Variants in NECTIN3 observed in about 807,000 individuals in gnomAD.
The protein encoded by NECTIN3 is nectin-3.
NECTIN3 carries 8 observed loss-of-function variants against 49.4 expected under a neutral mutation model. The ratio of observed to expected loss-of-function variants is 0.16; its 90% CI spans 0.10 to 0.29. The LOEUF (loss-of-function observed/expected upper bound fraction) is 0.29. Ranked by LOEUF, NECTIN3 falls within the 10% of genes least tolerant of loss-of-function variation. NECTIN3 has a pLI of 1.00. For missense variants in NECTIN3, 581 were observed against 654.6 expected, an observed-to-expected ratio of 0.89 and a Z score of 1.23; for synonymous variants, 277 against 241.1, an observed-to-expected ratio of 1.15 and a Z score of -1.38.
At position 111,118,736 on chromosome 3, in the gene NECTIN3, G is replaced by A. The variant is rs2033817803; in HGVS notation, c.583G>A (p.Ala195Thr). The A allele has an allele frequency of 6.2e-7, 1 of 1,613,918 alleles. No individual in the cohort carries two copies. Among genetic ancestry groups the A allele is most frequent in the Admixed American group, 1.7e-5 (1 of 59,986 alleles). Reference protein sequence around the residue: ...GNETVAAICIAATGKPVAHID... With the variant: ...GNETVAAICITATGKPVAHID... Reference sequence around the variant, plus strand: ...TGAAACAGTAGCAGCCATTTGCATCGCAGCCACTGGAAAACCCGTTGCACA... The same window carrying A: ...TGAAACAGTAGCAGCCATTTGCATCACAGCCACTGGAAAACCCGTTGCACA... Residue 195 changes from alanine to threonine, a missense_variant, in exon 3 of 6, where the codon GCA (alanine) becomes ACA (threonine). Around this residue, in one of 3 missense-constraint regions of NECTIN3, gnomAD observed 234 missense variants for 340.6 expected, o/e 0.69. Coordinates refer to ENST00000485303, the MANE Select transcript of NECTIN3 (RefSeq NM_015480.3).
intron 1 of NECTIN3, among the ~76,000 whole-genome samples, chr3:111,092,681 T>A (rs2032345994): frequency 6.6e-6 from 1 of 152,200 alleles, no homozygotes; most frequent in African/African-American, 2.4e-5. Context: ...ACAGTTTTGA[T>A]TAGTTTCAGT....
At chr3:111,179,560 G>T (rs1189145102) in intron 7 of NECTIN3, among the ~76,000 whole-genome samples, 1 of 152,094 alleles carries the variant, frequency 6.6e-6, no homozygotes, top group Non-Finnish European at 1.5e-5. Flanking sequence ...TTGGGACAGA[G>T]GAACTATAAG....
intron 1 of NECTIN3, among the ~76,000 whole-genome samples, chr3:111,103,970 A>G (rs1419081363): frequency 6.6e-6 from 1 of 152,206 alleles, no homozygotes; most frequent in African/African-American, 2.4e-5. Context: ...CACTATGAAC[A>G]TGGGTATGCA....
intron 7 of NECTIN3, among the ~76,000 whole-genome samples, chr3:111,176,646 A>T (rs2035533957): frequency 1.3e-5 from 2 of 152,256 alleles, no homozygotes; most frequent in African/African-American, 4.8e-5. Flanking sequence ...CAGAAGGAGA[A>T]ACTATATATG....
At chr3:111,124,627 A>G (rs1437107354) in intron 4 of NECTIN3, among the ~76,000 whole-genome samples, 1 of 152,208 alleles carries the variant, frequency 6.6e-6, no homozygotes, top group African/African-American at 2.4e-5. Context: ...ATGTAAGCAT[A>G]TTATCTTTAT....
intron 7 of NECTIN3, among the ~76,000 whole-genome samples, chr3:111,155,377 T>C (rs773755995): frequency 6.6e-6 from 1 of 152,192 alleles, no homozygotes; most frequent in Non-Finnish European, 1.5e-5. Flanking sequence ...CAAGACTTGA[T>C]TGATTCATGA....
chr3:111,192,260 C>A, upstream of NECTIN3: 2 of 1,157,716 alleles, frequency 1.7e-6, no homozygotes, highest in Non-Finnish European at 2.5e-6. Flanking sequence ...TATAACAAGA[C>A]ATGATTGGCT....
At chr3:111,138,715 A>G (rs2107502395), downstream of NECTIN3, among the ~76,000 whole-genome samples, 1 of 151,802 alleles carries the variant, frequency 6.6e-6, no homozygotes, top group East Asian at 1.9e-4. Context: ...GTTGCTAATG[A>G]AGCTGATTGA....
At chr3:111,086,425 C>G (rs1477225290) in intron 1 of NECTIN3, among the ~76,000 whole-genome samples, 1 of 152,086 alleles carries the variant, frequency 6.6e-6, no homozygotes, top group African/African-American at 2.4e-5. Flanking sequence ...TGTAGTACAT[C>G]TAAAATTTAT....
rs574050341 is a variant in NECTIN3, at chr3:111,136,077, C to G, written c.*1862C>G. The G allele has an allele frequency of 1.0e-5, 10 of 983,010 alleles. No homozygotes were observed. The highest frequency in any genetic ancestry group is 1.2e-5 in the Non-Finnish European group (10 of 828,072). The allele number at this position is 983,010 out of a possible 1,614,324, so 60.9% of individuals were successfully genotyped here. Reference sequence around the variant, plus strand: ...GATGTGACTTTATTTTTAATTTAAACGATGAGGTGGCCAGAAGAAAGATGG... The same window carrying G: ...GATGTGACTTTATTTTTAATTTAAAGGATGAGGTGGCCAGAAGAAAGATGG... On this transcript the variant is annotated 3_prime_UTR_variant, in exon 6 of 6. Coordinates refer to ENST00000485303, the MANE Select transcript of NECTIN3 (RefSeq NM_015480.3).
chr3:111,188,995 C>T (rs2035769284), upstream of NECTIN3, among the ~76,000 whole-genome samples: 1 of 152,160 alleles, frequency 6.6e-6, no homozygotes, highest in African/African-American at 2.4e-5. Context: ...CCCACACTGC[C>T]ACAAGGAATA....
At chr3:111,075,770 A>G (rs574041446) in intron 1 of NECTIN3, among the ~76,000 whole-genome samples, 1 of 152,252 alleles carries the variant, frequency 6.6e-6, no homozygotes, top group Non-Finnish European at 1.5e-5. Flanking sequence ...CTTCAATTGT[A>G]TAATTGTATG....
chr3:111,189,478 A>G (rs533858921), upstream of NECTIN3, among the ~76,000 whole-genome samples: 2 of 152,328 alleles, frequency 1.3e-5, no homozygotes, highest in East Asian at 3.9e-4. Context: ...AAAATGGATT[A>G]ACTCTTCTCA....
chr3:111,127,376 C>A (rs538517777), intron 5 of NECTIN3, among the ~76,000 whole-genome samples: 2 of 152,012 alleles, frequency 1.3e-5, no homozygotes, highest in Admixed American at 6.6e-5. Context: ...TATTTATCTT[C>A]ACAATTCAGC....
At chr3:111,129,322 A>G (rs1394089101) in intron 5 of NECTIN3, among the ~76,000 whole-genome samples, 1 of 151,932 alleles carries the variant, frequency 6.6e-6, no homozygotes, top group Non-Finnish European at 1.5e-5. Flanking sequence ...AACCCCATGT[A>G]TTGCCATGTA....
At chr3:111,086,269 A>C (rs2031920204) in intron 1 of NECTIN3, among the ~76,000 whole-genome samples, 1 of 152,178 alleles carries the variant, frequency 6.6e-6, no homozygotes, top group African/African-American at 2.4e-5. Flanking sequence ...TCTGTTGATA[A>C]AAAGCAGTTC....
intron 7 of NECTIN3, among the ~76,000 whole-genome samples, chr3:111,174,979 G>T (rs1053750662): frequency 6.6e-6 from 1 of 152,010 alleles, no homozygotes; most frequent in Non-Finnish European, 1.5e-5. Flanking sequence ...AAGGATGAAT[G>T]CAGGATTTCA....
downstream of NECTIN3, among the ~76,000 whole-genome samples, chr3:111,140,468 C>G (rs1012274871): frequency 3.3e-5 from 5 of 151,130 alleles, no homozygotes; most frequent in East Asian, 1.9e-4. Context: ...ATTTGTATTG[C>G]CAGTTATTAG....
intron 7 of NECTIN3, among the ~76,000 whole-genome samples, chr3:111,149,956 A>G (rs1169694357): frequency 6.6e-6 from 1 of 152,054 alleles, no homozygotes; most frequent in Non-Finnish European, 1.5e-5. Flanking sequence ...GGAAGAATTA[A>G]AAACATTGTG....
Sources: gnomAD v4.1 joint callset for allele counts (sites outside exome capture counted in the v4.1 genomes callset) on GRCh38, gnomAD v4.1.1 for gene constraint, gnomAD v4.1.1 regional missense constraint, MANE v1.5 for transcripts, NCBI Gene and HGNC (gene_info 2026-07-23, HGNC 2026-07-21) for gene names.